Variants in FAM9B observed in about 807,000 individuals in gnomAD.
The protein encoded by FAM9B is family with sequence similarity 9 member B.
Under a neutral mutation model 16.6 loss-of-function variants are expected in FAM9B, and 18 were observed. The ratio of observed to expected loss-of-function variants is 1.09; its 90% CI spans 0.75 to 1.61. FAM9B has a LOEUF of 1.61. FAM9B is among the 40% of genes most tolerant of loss of function. The pLI, the probability that FAM9B is intolerant of heterozygous loss-of-function variation, is 0.00. For synonymous variants in FAM9B, 43 were observed against 42.6 expected, an observed-to-expected ratio of 1.01 and a Z score of -0.03; for missense variants, 155 against 136.0, an observed-to-expected ratio of 1.14 and a Z score of -0.70.
rs1001585686 is a variant in FAM9B, at chrX:9,024,291, G to C, written c.*1118C>G. 4.5e-5 allele frequency: 5 copies of C among 111,123 alleles called. No homozygotes were observed. Among genetic ancestry groups the C allele is most frequent in the African/African-American group, 1.6e-4 (5 of 30,580 alleles). The allele number at this position is 111,123 out of a possible 1,213,427, so 9.2% of individuals were successfully genotyped here. ...CCACATAATCCACGAATATTAAACT[G>C]GATAAACAAAGCACTCTACAAAATT... is the stretch of plus-strand genomic sequence containing the variant. On this transcript the variant is annotated 3_prime_UTR_variant, in exon 9 of 9. Coordinates refer to ENST00000327220, the MANE Select transcript of FAM9B (RefSeq NM_205849.3).
At chrX:9,032,541 T>G in intron 2 of FAM9B, 80 bp from the exon 3 acceptor site, 1 of 432,489 alleles carries the variant, frequency 2.3e-6, no homozygotes. Context: ...ATGTACTAGT[T>G]GTAGACTTTT....
chrX:9,026,258 G>A (rs1232316997), intron 7 of FAM9B, among the ~76,000 whole-genome samples: 2 of 111,850 alleles, frequency 1.8e-5, no homozygotes, highest in Non-Finnish European at 3.8e-5. Context: ...TGATTTAGTT[G>A]GCGAAAGGTT....
At chrX:9,031,624 G>T (rs934543794) in intron 4 of FAM9B, 12 of 111,462 alleles carry the variant, frequency 1.1e-4, no homozygotes, top group African/African-American at 3.3e-4. Flanking sequence ...CTACTTGAGG[G>T]TGGAGGGTAG....
At chrX:9,032,650 C>T (rs1921118332) in intron 2 of FAM9B, 189 bp from the exon 3 acceptor site, 1 of 704,252 alleles carries the variant, frequency 1.4e-6, no homozygotes, top group Non-Finnish European at 2.0e-6. Context: ...TTTGGAAGCC[C>T]TTCGGGTTCA....
rs778942486 is a variant in FAM9B, at chrX:9,034,040, C to CA, written c.-279dup. The CA allele has an allele frequency of 1.2e-3, 309 of 258,497 alleles. No homozygotes were observed. Among genetic ancestry groups the CA allele is most frequent in the Admixed American group, 2.1e-3 (22 of 10,680 alleles). The allele number at this position is 258,497 out of a possible 1,213,427, so 21.3% of individuals were successfully genotyped here. On this transcript the variant is annotated 5_prime_UTR_variant, in exon 1 of 9. Coordinates refer to ENST00000327220, the MANE Select transcript of FAM9B (RefSeq NM_205849.3). The stretch of plus-strand genomic sequence containing the variant: ...AGGCAGCAAGAGCCAGACTCCGTCC[C>CA]AAAAAAAACAAAACAAAAAAACAAA...
At chrX:9,031,125 T>C (rs1413899842) in intron 4 of FAM9B, 1 of 111,798 alleles carries the variant, frequency 8.9e-6, no homozygotes, top group Non-Finnish European at 1.9e-5. Flanking sequence ...ATTTTTTACA[T>C]ACAGTCTCCA....
At chrX:9,027,520 G>A (rs1357262542) in intron 7 of FAM9B, among the ~76,000 whole-genome samples, 1 of 111,025 alleles carries the variant, frequency 9.0e-6, no homozygotes, top group African/African-American at 3.3e-5. Flanking sequence ...ACTGCTCAAG[G>A]TCATGGCCAA....
chrX:9,030,656 CAGAA>C (rs1210304328), intron 4 of FAM9B: 4 of 181,300 alleles, frequency 2.2e-5, no homozygotes, highest in African/African-American at 9.1e-5. Context: ...TTTAAATGTG[CAGAA>C]AGAGTTATAA....
intron 6 of FAM9B, among the ~76,000 whole-genome samples, chrX:9,028,266 T>C (rs1920986743): frequency 8.9e-6 from 1 of 112,162 alleles, no homozygotes; most frequent in African/African-American, 3.2e-5. Context: ...TATAATTTGT[T>C]GACCACAGAT....
intron 5 of FAM9B, among the ~76,000 whole-genome samples, chrX:9,029,628 A>C (rs1921011541): frequency 8.9e-6 from 1 of 111,954 alleles, no homozygotes. Context: ...GCTATCTTAC[A>C]TTCTTTACCT....
chrX:9,026,357 C>T (rs759779247), intron 7 of FAM9B, among the ~76,000 whole-genome samples: 1 of 110,738 alleles, frequency 9.0e-6, no homozygotes, highest in African/African-American at 3.3e-5. Context: ...TCAGGGAAGG[C>T]GGTCAACCTG....
At chrX:9,030,126 T>A in intron 5 of FAM9B, 135 bp downstream of exon 5, 1 of 1,126,710 alleles carries the variant, frequency 8.9e-7, no homozygotes, top group Non-Finnish European at 1.2e-6. Flanking sequence ...ACTTACCTAC[T>A]TAGAGAACAA....
At position 9,032,821 on chromosome X, in the gene FAM9B, T is replaced by C. The variant is rs150226539; in HGVS notation, c.28+138A>G. ...GCCTGCTTTGAAAACCTGGCGCATC[T>C]TAGCACGTGCACAATGGACTCCAGA... On this transcript the variant is annotated intron_variant, in intron 2 of 8. Transcript: ENST00000327220. 4.3e-6 allele frequency: 4 copies of C among 923,950 alleles called. No individual in the cohort carries two copies. The East Asian group carries it at 1.2e-4, about 29-fold the overall frequency. 76.1% of individuals were successfully genotyped at this position (923,950 alleles called of 1,213,427 possible).
In FAM9B at chrX:9,032,461, C is replaced by G. The variant is rs780593316; in HGVS notation, c.29G>C (p.Gly10Ala). Residue 10 changes from glycine (G) to alanine (A), a missense_variant and splice_region_variant, in exon 3 of 9, where the codon GGA becomes GCA. Gly to Ala is a moderately conservative substitution (Grantham distance 60, BLOSUM62 0). Coordinates refer to ENST00000327220, the MANE Select transcript of FAM9B (RefSeq NM_205849.3). MAAWGKKHAGKDPVRDECEE... is the reference protein window; with the variant it reads MAAWGKKHAAKDPVRDECEE... ...ACATTCATCACGGACTGGATCCTTT[C>G]CTGCATTAAAATGTAAAAGACAAAC... 8.3e-7 allele frequency: 1 copy of G among 1,206,659 alleles called. No homozygotes were observed. Among genetic ancestry groups the G allele is most frequent in the African/African-American group, 1.8e-5 (1 of 57,133 alleles).
chrX:9,028,956 G>A (rs1331690981), intron 6 of FAM9B, among the ~76,000 whole-genome samples: 1 of 111,380 alleles, frequency 9.0e-6, no homozygotes, highest in Non-Finnish European at 1.9e-5. Context: ...AGTCCCAGCT[G>A]AAATTCCACA....
intron 6 of FAM9B, among the ~76,000 whole-genome samples, chrX:9,028,665 T>C (rs962641242): frequency 1.8e-5 from 2 of 111,613 alleles, no homozygotes; most frequent in Non-Finnish European, 3.8e-5. Flanking sequence ...TTGCCCATGG[T>C]TTCCGAGCTA....
chrX:9,025,384 C>CA lies in FAM9B; in HGVS notation c.*32-8dup. 2.9e-4 allele frequency: 161 copies of CA among 552,238 alleles called. No homozygotes were observed. The highest frequency in any genetic ancestry group is 6.1e-4 in the Middle Eastern group (1 of 1,652). 45.5% of individuals were successfully genotyped at this position (552,238 alleles called of 1,213,427 possible). ...GTGCCAACTTTTCCAAAAGCTGTTT[C>CA]AAAAAAAAATTTAAGTAACTGTAAT... On this transcript the variant is annotated splice_polypyrimidine_tract_variant and splice_region_variant and intron_variant, in intron 8 of 8. Transcript: ENST00000327220.
rs1487955354 is a variant in FAM9B, at chrX:9,027,974, C to A, written c.394-8G>T. 5.2e-6 allele frequency: 6 copies of A among 1,153,561 alleles called. No individual in the cohort carries two copies. The highest frequency in any genetic ancestry group is 7.1e-6 in the Non-Finnish European group (6 of 846,165). On this transcript the variant is annotated splice_region_variant and splice_polypyrimidine_tract_variant and intron_variant, in intron 6 of 8. Transcript: ENST00000327220. ...TTGTTCTTGAAATATTCTCTAGAAT[C>A]CCAAAACAAAATAGTGATAAAAATT...
chrX:9,026,468 C>CT (rs1465527594), intron 7 of FAM9B, among the ~76,000 whole-genome samples: 2 of 110,505 alleles, frequency 1.8e-5, no homozygotes, highest in African/African-American at 3.3e-5. Context: ...CGGGGCATCA[C>CT]TGACAGGCTG....
Sources: gnomAD v4.1 joint callset for allele counts (sites outside exome capture counted in the v4.1 genomes callset) on GRCh38, gnomAD v4.1.1 for gene constraint, MANE v1.5 for transcripts, NCBI Gene and HGNC (gene_info 2026-07-23, HGNC 2026-07-21) for gene names.